The following DCC variants were observed in gnomAD, a reference collection of about 807,000 sequenced individuals.
DCC encodes DCC netrin 1 receptor, also known as netrin receptor DCC.
In DCC, 58 loss-of-function variants were observed where a neutral mutation model predicts 172.5. The ratio of observed to expected loss-of-function variants is 0.34; its 90% CI spans 0.27 to 0.42. DCC has a LOEUF of 0.42. Among genes scored for constraint, DCC ranks in the 10% least tolerant of loss-of-function variants. The pLI, the probability that DCC is intolerant of heterozygous loss-of-function variation, is 1.00. For synonymous variants in DCC, 709 were observed against 644.5 expected, an observed-to-expected ratio of 1.10 and a Z score of -1.52; for missense variants, 1,740 against 1,791.0, an observed-to-expected ratio of 0.97 and a Z score of 0.51.
At chr18:52,773,992 A>G (rs1357601952) in intron 2 of DCC, among the ~76,000 whole-genome samples, 1 of 152,188 alleles carries the variant, frequency 6.6e-6, no homozygotes, top group Admixed American at 6.5e-5. Context: ...TGGTTGTTAA[A>G]TTTACCAGTT....
At chr18:53,492,897 T>C (rs750053935) in intron 26 of DCC, among the ~76,000 whole-genome samples, 1 of 152,206 alleles carries the variant, frequency 6.6e-6, no homozygotes, top group Non-Finnish European at 1.5e-5. Context: ...GTTGAATCTA[T>C]AAATTATTTT....
intron 1 of DCC, among the ~76,000 whole-genome samples, chr18:52,633,477 G>T (rs191047679): frequency 6.6e-6 from 1 of 152,148 alleles, no homozygotes; most frequent in Non-Finnish European, 1.5e-5. Context: ...TGTAGCCTCA[G>T]TCAAATCAAT....
chr18:53,450,403 C>T, intron 22 of DCC, 97 bp from the exon 23 acceptor site: 1 of 1,390,494 alleles, frequency 7.2e-7, no homozygotes. Flanking sequence ...TTCAGAAAAG[C>T]CCAGAACATT....
intron 14 of DCC, among the ~76,000 whole-genome samples, chr18:53,327,107 T>C (rs1039996137): frequency 2.0e-5 from 3 of 152,318 alleles, no homozygotes; most frequent in African/African-American, 7.2e-5. Context: ...CTTCTCAACT[T>C]GGCTTAAGCA....
chr18:52,883,522 T>G (rs1346716631), intron 2 of DCC, among the ~76,000 whole-genome samples: 1 of 151,948 alleles, frequency 6.6e-6, no homozygotes, highest in Non-Finnish European at 1.5e-5. Context: ...AAAGACTATC[T>G]TATAACTCAC....
At chr18:53,458,862 T>C (rs2045514634) in intron 23 of DCC, among the ~76,000 whole-genome samples, 2 of 152,210 alleles carry the variant, frequency 1.3e-5, no homozygotes, top group South Asian at 4.1e-4. Context: ...AAGCAACTCC[T>C]TCATTTATCT....
At chr18:53,097,075 G>A (rs2043098875) in intron 7 of DCC, among the ~76,000 whole-genome samples, 1 of 152,044 alleles carries the variant, frequency 6.6e-6, no homozygotes, top group Non-Finnish European at 1.5e-5. Context: ...AAGGTTGAAG[G>A]GACTAAAACC....
chr18:52,696,536 A>C (rs888212747), intron 1 of DCC, among the ~76,000 whole-genome samples: 2 of 152,214 alleles, frequency 1.3e-5, no homozygotes, highest in African/African-American at 2.4e-5. Flanking sequence ...GCCTTCTACA[A>C]ACACTTACTG....
chr18:52,770,404 C>T (rs1220306741), intron 2 of DCC, among the ~76,000 whole-genome samples: 1 of 152,232 alleles, frequency 6.6e-6, no homozygotes, highest in East Asian at 1.9e-4. Context: ...TTAGGTATCA[C>T]TGCTAACTAC....
intron 1 of DCC, among the ~76,000 whole-genome samples, chr18:52,341,916 C>G (rs1051675643): frequency 6.6e-6 from 1 of 152,062 alleles, no homozygotes; most frequent in East Asian, 1.9e-4. Flanking sequence ...TTTTCCAAAT[C>G]CAAAGGAAAA....
At chr18:53,157,300 C>T (rs966180923) in intron 7 of DCC, 56 bp from the exon 8 acceptor site, 2 of 1,611,444 alleles carry the variant, frequency 1.2e-6, no homozygotes, top group African/African-American at 2.7e-5. Context: ...GCCTTCCTAC[C>T]CAATTCTTAC....
At chr18:52,542,334 G>A (rs2032484450) in intron 1 of DCC, among the ~76,000 whole-genome samples, 1 of 152,038 alleles carries the variant, frequency 6.6e-6, no homozygotes. Context: ...TTTAAGGTTT[G>A]AATAAATTTT....
At chr18:53,331,565 G>A (rs910552260) in intron 14 of DCC, among the ~76,000 whole-genome samples, 1 of 152,158 alleles carries the variant, frequency 6.6e-6, no homozygotes, top group African/African-American at 2.4e-5. Context: ...AAGAGTATTT[G>A]CTCTAACAGT....
intron 1 of DCC, among the ~76,000 whole-genome samples, chr18:52,714,083 T>C (rs1433031092): frequency 6.6e-6 from 1 of 152,202 alleles, no homozygotes; most frequent in African/African-American, 2.4e-5. Context: ...TATTTAATCC[T>C]TGCAACAGCC....
At chr18:53,316,715 T>A (rs1022237692) in intron 13 of DCC, among the ~76,000 whole-genome samples, 3 of 152,142 alleles carry the variant, frequency 2.0e-5, no homozygotes, top group Non-Finnish European at 2.9e-5. Context: ...ATTCTCTTTG[T>A]AGCAATTGTG....
At chr18:52,728,885 T>C (rs1277988582) in intron 1 of DCC, among the ~76,000 whole-genome samples, 1 of 152,182 alleles carries the variant, frequency 6.6e-6, no homozygotes, top group Non-Finnish European at 1.5e-5. Context: ...CAGATTGGTC[T>C]CTACACTCTC....
intron 5 of DCC, among the ~76,000 whole-genome samples, chr18:53,042,282 G>A (rs188804882): frequency 4.9e-4 from 75 of 152,068 alleles, no homozygotes; most frequent in Non-Finnish European, 5.9e-5. Flanking sequence ...TTTGTTATTG[G>A]TTCTGTTTAT....
At chr18:53,009,025 A>G (rs921056080) in intron 5 of DCC, among the ~76,000 whole-genome samples, 1 of 151,938 alleles carries the variant, frequency 6.6e-6, no homozygotes, top group Non-Finnish European at 1.5e-5. Context: ...AGATGATGAG[A>G]GTAGAATACT....
At chr18:53,276,657 G>A (rs2056809458) in intron 12 of DCC, among the ~76,000 whole-genome samples, 1 of 152,118 alleles carries the variant, frequency 6.6e-6, no homozygotes, top group Non-Finnish European at 1.5e-5. Context: ...GAAATGAAGG[G>A]AAGGGTCTGA....
Sources: gnomAD v4.1 joint callset for allele counts (sites outside exome capture counted in the v4.1 genomes callset) on GRCh38, gnomAD v4.1.1 for gene constraint, MANE v1.5 for transcripts, NCBI Gene and HGNC (gene_info 2026-07-23, HGNC 2026-07-21) for gene names.